Variants in RAPGEF2 observed in about 807,000 individuals in gnomAD.
RAPGEF2 encodes the protein Rap guanine nucleotide exchange factor 2.
A neutral mutation model predicts 186.7 loss-of-function variants in RAPGEF2; 54 were observed. The observed-to-expected ratio is 0.29, with a 90% CI of 0.23 to 0.36. RAPGEF2 has a LOEUF of 0.36. RAPGEF2 is among the 10% of genes least tolerant of loss of function. The pLI is 1.00. For missense variants in RAPGEF2, 1,532 were observed against 2,045.0 expected (o/e 0.75, Z 4.84); for synonymous variants, 712 against 705.9 (o/e 1.01, Z -0.14).
At position 159,198,376 on chromosome 4, in the gene RAPGEF2, TTTCC is replaced by T. The variant is rs70962661; in HGVS notation, c.197+5138_197+5141del. Among the ~76,000 whole-genome samples the T allele has an allele frequency of 3.2e-3, 399 of 125,582 alleles. 14 individuals carry two copies. The highest frequency in any genetic ancestry group is 7.0e-3 in the East Asian group (33 of 4,734). The allele number at this position is 125,582 out of a possible 152,430, so 82.4% of individuals were successfully genotyped here. A position where few individuals can be genotyped will look rare whatever the true frequency, so the allele number is the denominator to read the frequency against. On this transcript the variant is annotated intron_variant, in intron 3 of 29. Transcript: ENST00000691494. Reference sequence around the variant, plus strand: ...TTTCCTTCCTTCCTTTTTTTCTTTCTTTCCTTCCTTCCTTCCTTCCTCTCTCTTC... The same window carrying T: ...TTTCCTTCCTTCCTTTTTTTCTTTCTTTCCTTCCTTCCTTCCTCTCTCTTC...
intron 7 of RAPGEF2, among the ~76,000 whole-genome samples, chr4:159,280,355 A>G (rs1245054630): frequency 1.3e-5 from 2 of 152,234 alleles, no homozygotes; most frequent in African/African-American, 4.8e-5. Context: ...AGAAAGCTGT[A>G]TTAAGATATA....
chr4:159,224,842 T>C (rs1201917910), intron 4 of RAPGEF2, among the ~76,000 whole-genome samples: 1 of 152,044 alleles, frequency 6.6e-6, no homozygotes, highest in Non-Finnish European at 1.5e-5. Flanking sequence ...AAAAAGAAGT[T>C]GATGGAGCAT....
At chr4:159,341,487 A>C in intron 19 of RAPGEF2, 77 bp from the exon 20 acceptor site, 1 of 1,421,958 alleles carries the variant, frequency 7.0e-7, no homozygotes, top group Non-Finnish European at 9.5e-7. Context: ...TTCCATAAAA[A>C]GTAGCATTAT....
At chr4:159,248,715 A>G (rs1025815170) in intron 7 of RAPGEF2, among the ~76,000 whole-genome samples, 1 of 152,234 alleles carries the variant, frequency 6.6e-6, no homozygotes, top group Non-Finnish European at 1.5e-5. Flanking sequence ...GGGAAATTGC[A>G]CTATAGCATA....
intron 1 of RAPGEF2, among the ~76,000 whole-genome samples, chr4:159,117,978 G>A (rs2111084961): frequency 6.6e-6 from 1 of 151,626 alleles, no homozygotes; most frequent in Middle Eastern, 3.4e-3. Context: ...TTTTTTCAAG[G>A]ATTGATGAAA....
intron 7 of RAPGEF2, among the ~76,000 whole-genome samples, chr4:159,279,194 T>G (rs1759346802): frequency 6.6e-6 from 1 of 152,194 alleles, no homozygotes. Context: ...GAGTGCTGCC[T>G]CCACATACTA....
At chr4:159,194,146 G>T (rs540718686) in intron 3 of RAPGEF2, among the ~76,000 whole-genome samples, 1 of 152,230 alleles carries the variant, frequency 6.6e-6, no homozygotes, top group Non-Finnish European at 1.5e-5. Context: ...GGAGGCTGCA[G>T]ACACTTTTTA....
intron 7 of RAPGEF2, among the ~76,000 whole-genome samples, chr4:159,258,337 C>CT (rs1336239350): frequency 6.6e-6 from 1 of 152,016 alleles, no homozygotes; most frequent in Admixed American, 6.5e-5. Flanking sequence ...GGTAGGCTGA[C>CT]TTTTTTCTCA....
intron 1 of RAPGEF2, among the ~76,000 whole-genome samples, chr4:159,183,148 C>T (rs1271702254): frequency 2.6e-5 from 4 of 152,158 alleles, no homozygotes; most frequent in African/African-American, 9.7e-5. Flanking sequence ...AAGGCTGGAA[C>T]ACTCACAATT....
At chr4:159,147,823 T>G (rs766201312) in intron 1 of RAPGEF2, among the ~76,000 whole-genome samples, 1 of 152,220 alleles carries the variant, frequency 6.6e-6, no homozygotes, top group East Asian at 1.9e-4. Flanking sequence ...GTGCCTTAAG[T>G]TTTCTTTGAA....
At position 159,338,348 on chromosome 4, in the gene RAPGEF2, G is replaced by C; in HGVS notation, c.2173G>C (p.Val725Leu). ...GIGQSQDDSI[V>L]GLRQTKHIPT... ...TGGTCAGTCTCAAGATGACAGCATAGTAGGATTAAGGCAGACAAAGCACAT... is the reference window on the plus strand; with the variant it reads ...TGGTCAGTCTCAAGATGACAGCATACTAGGATTAAGGCAGACAAAGCACAT... Residue 725 changes from valine (V) to leucine (L), a missense_variant, in exon 18 of 30, where the codon GTA becomes CTA. Around this residue, in one of 4 missense-constraint regions of RAPGEF2, gnomAD observed 810 missense variants for 1,210.5 expected, o/e 0.67. Transcript: ENST00000691494. The C allele has an allele frequency of 6.2e-7, 1 of 1,614,136 alleles. No individual in the cohort carries two copies. Among genetic ancestry groups the C allele is most frequent in the Non-Finnish European group, 8.5e-7 (1 of 1,180,002 alleles).
At position 159,175,315 on chromosome 4, in the gene RAPGEF2, T is replaced by A. The variant is rs118031344; in HGVS notation, c.70-11327T>A. 1.9e-3 allele frequency among the ~76,000 whole-genome samples: 283 copies of A among 152,244 alleles called. 4 individuals are homozygous for A. In the East Asian group the frequency reaches 0.024, roughly 13 times the overall value. ...ATAATAATTTTTTTTTTGAAAACCATACACTCTGCTATGGATTTTTTTTCT... is the reference window on the plus strand; with the variant it reads ...ATAATAATTTTTTTTTTGAAAACCAAACACTCTGCTATGGATTTTTTTTCT... On this transcript the variant is annotated intron_variant, in intron 1 of 29. Transcript: ENST00000691494.
intron 1 of RAPGEF2, among the ~76,000 whole-genome samples, chr4:159,133,785 G>A (rs1449885644): frequency 1.3e-5 from 2 of 151,890 alleles, no homozygotes; most frequent in East Asian, 1.9e-4. Flanking sequence ...GGGTTTCACC[G>A]TGTTAGCCAG....
intron 2 of RAPGEF2, among the ~76,000 whole-genome samples, chr4:159,190,116 C>T (rs570455008): frequency 6.6e-6 from 1 of 152,106 alleles, no homozygotes; most frequent in Admixed American, 6.5e-5. Context: ...CTGTCATGGG[C>T]ACAGGCTTGG....
intron 1 of RAPGEF2, among the ~76,000 whole-genome samples, chr4:159,131,990 T>C (rs1000766193): frequency 2.6e-5 from 4 of 152,154 alleles, no homozygotes; most frequent in African/African-American, 9.7e-5. Flanking sequence ...CAGATTTTAA[T>C]GGGTATATTG....
chr4:159,133,346 T>C (rs1741316630), intron 1 of RAPGEF2, among the ~76,000 whole-genome samples: 1 of 152,206 alleles, frequency 6.6e-6, no homozygotes, highest in Non-Finnish European at 1.5e-5. Context: ...TGCATTTCTT[T>C]TCCTTTATTT....
intron 1 of RAPGEF2, among the ~76,000 whole-genome samples, chr4:159,117,911 G>A (rs1261238340): frequency 1.3e-5 from 2 of 151,004 alleles, no homozygotes; most frequent in African/African-American, 4.9e-5. Flanking sequence ...CATAAAAATA[G>A]GAAGGTCATA....
At chr4:159,203,834 T>C (rs1307210279) in intron 3 of RAPGEF2, among the ~76,000 whole-genome samples, 1 of 152,202 alleles carries the variant, frequency 6.6e-6, no homozygotes, top group African/African-American at 2.4e-5. Context: ...ATATATTGTT[T>C]CATTAAATAA....
At chr4:159,203,095 C>G (rs1342935571) in intron 3 of RAPGEF2, among the ~76,000 whole-genome samples, 1 of 152,168 alleles carries the variant, frequency 6.6e-6, no homozygotes, top group Non-Finnish European at 1.5e-5. Flanking sequence ...TGATCGCTTG[C>G]ATTTACTGGC....
Sources: allele counts gnomAD v4.1 joint callset (sites outside exome capture counted in the v4.1 genomes callset), GRCh38; gene constraint gnomAD v4.1.1; regional missense constraint gnomAD v4.1.1; transcripts MANE v1.5; gene names NCBI Gene and HGNC (gene_info 2026-07-23, HGNC 2026-07-21).